The following SIK3 variants were observed in gnomAD, a reference collection of about 807,000 sequenced individuals.
SIK3 encodes serine/threonine-protein kinase SIK3.
SIK3 carries 28 observed loss-of-function variants against 144.2 expected under a neutral mutation model. That is an observed-to-expected ratio of 0.19 (90% CI 0.14 to 0.27). SIK3 has a LOEUF of 0.27. SIK3 is among the 10% of genes least tolerant of loss of function. The probability of loss-of-function intolerance (pLI) is 1.00; values close to 1 mark genes in which losing one functional copy is unlikely to be tolerated. For missense variants in SIK3, 1,319 were observed against 1,776.0 expected (o/e 0.74, Z 4.62); for synonymous variants, 686 against 676.3 (o/e 1.01, Z -0.22).
chr11:117,062,856 A>G (rs549294084), intron 1 of SIK3, among the ~76,000 whole-genome samples: 2 of 152,358 alleles, frequency 1.3e-5, no homozygotes, highest in East Asian at 3.9e-4. Context: ...ACCAATTTGG[A>G]AACTAATGGA....
Position 116,846,567 on chromosome 11 carries a change from A to G in SIK3, c.3953-14T>C, listed in dbSNP as rs544878241. The G allele has an allele frequency of 3.7e-6, 6 of 1,614,018 alleles. No homozygotes were observed. In the South Asian group the frequency reaches 6.6e-5, roughly 18 times the overall value. On this transcript the variant is annotated splice_polypyrimidine_tract_variant and intron_variant, in intron 23 of 24. Coordinates refer to ENST00000445177, the MANE Select transcript of SIK3 (RefSeq NM_001366686.3). This position sits in a 1 kb window ranked among gnomAD's most constrained non-coding sequence, Gnocchi z 4.1. Reference sequence around the variant, plus strand: ...TTGCCCCACATTCTGCAAGACCAAAAAGAACGTATGAGGTTGGCAGGGAAC... The same window carrying G: ...TTGCCCCACATTCTGCAAGACCAAAGAGAACGTATGAGGTTGGCAGGGAAC...
intron 4 of SIK3, among the ~76,000 whole-genome samples, chr11:116,908,828 G>A (rs1226553256): frequency 1.3e-5 from 2 of 152,186 alleles, no homozygotes; most frequent in Admixed American, 6.5e-5. Flanking sequence ...AAACAGTTCA[G>A]CATTACCAAA....
chr11:117,064,209 C>T (rs1479272049), intron 1 of SIK3, among the ~76,000 whole-genome samples: 1 of 151,962 alleles, frequency 6.6e-6, no homozygotes, highest in East Asian at 1.9e-4. Flanking sequence ...TCAGTAACTG[C>T]CAAGAATTTA....
At chr11:116,856,054 G>A (rs1386614341) in intron 21 of SIK3, among the ~76,000 whole-genome samples, 2 of 151,978 alleles carry the variant, frequency 1.3e-5, no homozygotes, top group African/African-American at 4.8e-5. Context: ...AAAATTAGCC[G>A]GGCGTGGTGG....
intron 1 of SIK3, among the ~76,000 whole-genome samples, chr11:117,026,955 T>C (rs1429545842): frequency 6.6e-6 from 1 of 152,220 alleles, no homozygotes; most frequent in Non-Finnish European, 1.5e-5. Flanking sequence ...GGTAAAAACA[T>C]ATTATTCAAG....
Position 116,845,336 on chromosome 11 carries a change from C to G in SIK3, c.*307G>C, listed in dbSNP as rs1281121466. 1 of 151,938 alleles carries G rather than the reference C, an allele frequency of 6.6e-6. No individual in the cohort carries two copies. The highest frequency in any genetic ancestry group is 1.5e-5 in the Non-Finnish European group (1 of 67,944). 9.4% of individuals were successfully genotyped at this position (151,938 alleles called of 1,614,324 possible). A position where few individuals can be genotyped will look rare whatever the true frequency, so the allele number is the denominator to read the frequency against. ...CCTCTGGAAGAAAACATACCAAAAACAAAACAAAACACAAACCCCCAAACA... is the reference window on the plus strand; with the variant it reads ...CCTCTGGAAGAAAACATACCAAAAAGAAAACAAAACACAAACCCCCAAACA... On this transcript the variant is annotated 3_prime_UTR_variant, in exon 25 of 25. Transcript: ENST00000445177.
chr11:116,975,140 T>C (rs1949900543), intron 1 of SIK3, among the ~76,000 whole-genome samples: 1 of 151,930 alleles, frequency 6.6e-6, no homozygotes, highest in South Asian at 2.1e-4. Context: ...CATTAGTATT[T>C]CTCCTCAGCA....
At chr11:116,885,659 C>T (rs972121779) in intron 6 of SIK3, among the ~76,000 whole-genome samples, 12 of 152,102 alleles carry the variant, frequency 7.9e-5, no homozygotes, top group Non-Finnish European at 1.6e-4. Context: ...GTAAGTAATC[C>T]CGATGCAGAC....
chr11:116,908,595 T>G (rs774603765), intron 4 of SIK3, among the ~76,000 whole-genome samples: 3 of 151,632 alleles, frequency 2.0e-5, no homozygotes, highest in Non-Finnish European at 4.4e-5. Context: ...ATAAGACCAA[T>G]AGAGAATCCA....
At chr11:116,944,231 G>A (rs1948459273) in intron 3 of SIK3, among the ~76,000 whole-genome samples, 1 of 152,156 alleles carries the variant, frequency 6.6e-6, no homozygotes, top group African/African-American at 2.4e-5. Context: ...CTTGGCTTCT[G>A]GGAAGCAGTC....
intron 1 of SIK3, among the ~76,000 whole-genome samples, chr11:117,070,443 C>T (rs1043948098): frequency 4.8e-5 from 7 of 146,748 alleles, no homozygotes; most frequent in Admixed American, 4.1e-4. Flanking sequence ...TGAACAATAC[C>T]TTTTTTTTTT....
At chr11:116,845,901 T>C (rs898761653) in intron 24 of SIK3, among the ~76,000 whole-genome samples, 1 of 152,328 alleles carries the variant, frequency 6.6e-6, no homozygotes, top group Admixed American at 6.5e-5. Context: ...CTTTCTACCA[T>C]GGGCCTCTCA....
intron 13 of SIK3, among the ~76,000 whole-genome samples, chr11:116,871,824 AAG>A (rs1251062481): frequency 1.3e-5 from 2 of 152,198 alleles, no homozygotes; most frequent in African/African-American, 4.8e-5. Context: ...ACTGTCACCC[AAG>A]AGGAGGAGCA....
intron 3 of SIK3, among the ~76,000 whole-genome samples, chr11:116,948,746 T>G (rs1156363951): frequency 6.6e-6 from 1 of 152,216 alleles, no homozygotes; most frequent in African/African-American, 2.4e-5. Context: ...TATCCTCTAT[T>G]GTTTTTCTAT....
intron 1 of SIK3, among the ~76,000 whole-genome samples, chr11:117,070,846 G>A (rs1029996203): frequency 2.1e-5 from 3 of 145,472 alleles, no homozygotes; most frequent in African/African-American, 7.8e-5. Flanking sequence ...TCCGCCTCCC[G>A]GGTTCGAGCA....
chr11:117,022,691 T>G (rs1591554221), intron 1 of SIK3, among the ~76,000 whole-genome samples: 1 of 152,192 alleles, frequency 6.6e-6, no homozygotes, highest in Non-Finnish European at 1.5e-5. Context: ...AGTCACCCTG[T>G]GATATCTCCT....
intron 1 of SIK3, among the ~76,000 whole-genome samples, chr11:117,030,380 A>C (rs1952204867): frequency 6.6e-6 from 1 of 152,210 alleles, no homozygotes; most frequent in African/African-American, 2.4e-5. Context: ...GGAATGGTTA[A>C]ATAAATTACT....
intron 1 of SIK3, among the ~76,000 whole-genome samples, chr11:117,000,802 G>C (rs763807123): frequency 6.6e-6 from 1 of 152,198 alleles, no homozygotes; most frequent in East Asian, 1.9e-4. Flanking sequence ...ATCGCTGGAA[G>C]GGAATAACTA....
chr11:116,933,456 C>T (rs1377835459), intron 3 of SIK3, among the ~76,000 whole-genome samples: 4 of 152,150 alleles, frequency 2.6e-5, no homozygotes, highest in Non-Finnish European at 2.9e-5. Flanking sequence ...CTCCTTTTTA[C>T]TGCTGAGTAG....
Sources: allele counts gnomAD v4.1 joint callset (sites outside exome capture counted in the v4.1 genomes callset), GRCh38; gene constraint gnomAD v4.1.1; non-coding constraint Gnocchi (gnomAD v3.1); transcripts MANE v1.5; gene names NCBI Gene and HGNC (gene_info 2026-07-23, HGNC 2026-07-21).